The following PARP8 variants were observed in gnomAD, a reference collection of about 807,000 sequenced individuals.
The protein encoded by PARP8 is poly(ADP-ribose) polymerase family member 8.
A neutral mutation model predicts 124.1 loss-of-function variants in PARP8; 51 were observed. That is an observed-to-expected ratio of 0.41 (90% confidence interval 0.33 to 0.52). The LOEUF (loss-of-function observed/expected upper bound fraction) is 0.52. Ranked by LOEUF, PARP8 falls within the 20% of genes least tolerant of loss-of-function variation. The pLI, the probability that PARP8 is intolerant of heterozygous loss-of-function variation, is 0.21. For missense variants in PARP8, 860 were observed against 1,018.9 expected (o/e 0.84, Z 2.12); for synonymous variants, 391 against 361.5 (o/e 1.08, Z -0.93).
chr5:50,685,612 A>C lies in PARP8; in HGVS notation c.146+17487A>C, dbSNP rs529008533. Among the ~76,000 whole-genome samples, 3 of 152,276 alleles carry C rather than the reference A, an allele frequency of 2.0e-5. 1 individual carries two copies. In the South Asian group the frequency reaches 6.2e-4, roughly 32 times the overall value. ...CAGGAACATTTTTCATTTTATTTTT[A>C]TAGAGATAGGGTCTCTTTCTGTAGC... is the stretch of plus-strand genomic sequence containing the variant. On this transcript the variant is annotated intron_variant, in intron 2 of 25. Coordinates refer to ENST00000281631, the MANE Select transcript of PARP8 (RefSeq NM_024615.4).
At chr5:50,704,678 A>G (rs191064205) in intron 2 of PARP8, among the ~76,000 whole-genome samples, 50 of 152,278 alleles carry the variant, frequency 3.3e-4, no homozygotes, top group Admixed American at 2.4e-3. Context: ...ACATTGTCAT[A>G]TTGATTGTAT....
chr5:50,755,765 C>T (rs932997596), intron 3 of PARP8, among the ~76,000 whole-genome samples: 1 of 152,066 alleles, frequency 6.6e-6, no homozygotes, highest in African/African-American at 2.4e-5. Flanking sequence ...TATAAATTAC[C>T]TTGGGCAATA....
intron 25 of PARP8, among the ~76,000 whole-genome samples, chr5:50,841,066 G>T (rs1218721360): frequency 6.6e-6 from 1 of 151,722 alleles, no homozygotes; most frequent in Non-Finnish European, 1.5e-5. Context: ...CCTTTATTTT[G>T]CTATTTCAGG....
rs745980904 is a variant in PARP8 at position 50,843,564 on chromosome 5, A to G, written c.*1496A>G. ...GATATGCCACTTATTTCTGCAAGAA[A>G]AATAGGCTTGAAGTGGTTGGGATAT... is the stretch of plus-strand genomic sequence containing the variant. On this transcript the variant is annotated 3_prime_UTR_variant, in exon 26 of 26. Coordinates refer to ENST00000281631, the MANE Select transcript of PARP8 (RefSeq NM_024615.4). 3.3e-5 allele frequency: 5 copies of G among 151,834 alleles called. No individual in the cohort carries two copies. The highest frequency in any genetic ancestry group is 2.0e-4 in the Admixed American group (3 of 15,194). 9.4% of individuals were successfully genotyped at this position (151,834 alleles called of 1,614,324 possible). A position where few individuals can be genotyped will look rare whatever the true frequency, so the allele number is the denominator to read the frequency against.
intron 2 of PARP8, chr5:50,744,908 CATA>C: frequency 1.6e-6 from 1 of 625,938 alleles, no homozygotes; most frequent in South Asian, 1.9e-5. Flanking sequence ...ATGTACAGCA[CATA>C]CTAACAGTAC....
intron 22 of PARP8, among the ~76,000 whole-genome samples, chr5:50,830,844 GTGTGA>G (rs2149716374): frequency 6.6e-6 from 1 of 151,884 alleles, no homozygotes; most frequent in East Asian, 1.9e-4. Flanking sequence ...GTGTGTGTGT[GTGTGA>G]TTATGTGATC....
rs144374719 is a variant in PARP8 at position 50,698,360 on chromosome 5, A to G, written c.146+30235A>G. On this transcript the variant is annotated intron_variant, in intron 2 of 25. Coordinates refer to ENST00000281631, the MANE Select transcript of PARP8 (RefSeq NM_024615.4). ...ATCTAAAGCATTCCTTATTGTTTTC[A>G]GGGCTACCTGAGAATCCTAGAACAT... 3.9e-3 allele frequency among the ~76,000 whole-genome samples: 593 copies of G among 152,334 alleles called. 5 individuals are homozygous for G. Among genetic ancestry groups the G allele is most frequent in the Admixed American group, 0.012 (184 of 15,298 alleles).
chr5:50,788,596 T>C lies in PARP8; in HGVS notation c.737+7T>C. 1 of 1,608,696 alleles carries C rather than the reference T, an allele frequency of 6.2e-7. No individual in the cohort carries two copies. The highest frequency in any genetic ancestry group is 8.5e-7 in the Non-Finnish European group (1 of 1,175,934). On this transcript the variant is annotated splice_region_variant and intron_variant, in intron 10 of 25. Coordinates refer to ENST00000281631, the MANE Select transcript of PARP8 (RefSeq NM_024615.4). ...TGGGACATCAGCTGAAAAAGTAAGT[T>C]TGCTAAAGTGCAAAAAATAAATTTC...
chr5:50,681,188 C>T (rs1176099603), intron 2 of PARP8, among the ~76,000 whole-genome samples: 3 of 152,006 alleles, frequency 2.0e-5, no homozygotes, highest in Non-Finnish European at 4.4e-5. Context: ...TTTTAAATGA[C>T]AAGAACTTAA....
intron 2 of PARP8, among the ~76,000 whole-genome samples, chr5:50,713,913 A>G (rs866392383): frequency 6.6e-6 from 1 of 152,100 alleles, no homozygotes; most frequent in Middle Eastern, 3.4e-3. Flanking sequence ...CCTGGAAATG[A>G]AAGGAAATGG....
At position 50,778,126 on chromosome 5, in the gene PARP8, T is replaced by C; in HGVS notation, c.576T>C (p.Leu192=). 6.3e-7 allele frequency: 1 copy of C among 1,599,688 alleles called. No homozygotes were observed. Among genetic ancestry groups the C allele is most frequent in the Non-Finnish European group, 8.5e-7 (1 of 1,170,836 alleles). ...ATCTGCATATCGATGTTAGCTTTCT[T>C]GATGTAAGTATCAATTTTATGTAAT... ...DIDLHIDVSF[L]DEEIAVAWEV... The change falls in exon 8 of 26, where the codon CTT becomes CTC. Residue 192 remains leucine (L), a synonymous_variant. Transcript: ENST00000281631.
chr5:50,766,970 A>G (rs1421331240), intron 7 of PARP8, among the ~76,000 whole-genome samples: 1 of 152,192 alleles, frequency 6.6e-6, no homozygotes, highest in African/African-American at 2.4e-5. Context: ...GACTGCTTAC[A>G]TATCTTCTGG....
In PARP8 at chr5:50,771,193, C is replaced by G. The variant is rs558223745; in HGVS notation, c.519-6876C>G. On this transcript the variant is annotated intron_variant, in intron 7 of 25. Coordinates refer to ENST00000281631, the MANE Select transcript of PARP8 (RefSeq NM_024615.4). ...TTATTTTTTGAGATAGAGTTTTGCT[C>G]TTGTTGCCCAAGCTGGAGTGCAATG... Among the ~76,000 whole-genome samples, 3 of 151,524 alleles carry G rather than the reference C, an allele frequency of 2.0e-5. No individual in the cohort carries two copies. The East Asian group carries it at 5.8e-4, about 29-fold the overall frequency.
chr5:50,825,267 G>C (rs6862258), intron 18 of PARP8, among the ~76,000 whole-genome samples: 65 of 152,270 alleles, frequency 4.3e-4, no homozygotes, highest in African/African-American at 1.4e-3. Flanking sequence ...TGATTAACTA[G>C]CTTATGTGGC....
At chr5:50,743,919 A>T (rs1758292505) in intron 2 of PARP8, among the ~76,000 whole-genome samples, 1 of 152,104 alleles carries the variant, frequency 6.6e-6, no homozygotes, top group African/African-American at 2.4e-5. Context: ...ACTGGGAGGG[A>T]TAAAAGATAC....
At chr5:50,795,684 A>G (rs1179470294) in intron 12 of PARP8, among the ~76,000 whole-genome samples, 1 of 152,222 alleles carries the variant, frequency 6.6e-6, no homozygotes, top group Non-Finnish European at 1.5e-5. Context: ...TACTAAAATC[A>G]GAAGGAAACG....
intron 2 of PARP8, chr5:50,669,449 A>G (rs527717224): frequency 6.6e-6 from 1 of 152,320 alleles, no homozygotes; most frequent in South Asian, 2.1e-4. Context: ...ACTTTTCACT[A>G]TTGCTGTTTT....
chr5:50,821,096 G>A (rs554350782), intron 15 of PARP8, 117 bp from the exon 16 acceptor site: 2 of 1,182,646 alleles, frequency 1.7e-6, no homozygotes, highest in South Asian at 2.8e-5. Flanking sequence ...ACATTTGAGA[G>A]ATTGGTAGCA....
intron 2 of PARP8, among the ~76,000 whole-genome samples, chr5:50,710,898 A>G (rs552717487): frequency 6.6e-6 from 1 of 152,228 alleles, no homozygotes; most frequent in African/African-American, 2.4e-5. Context: ...ATCTGTTTCT[A>G]TCTGTAGCTT....
Sources: allele counts gnomAD v4.1 joint callset (sites outside exome capture counted in the v4.1 genomes callset), GRCh38; gene constraint gnomAD v4.1.1; transcripts MANE v1.5; gene names NCBI Gene and HGNC (gene_info 2026-07-23, HGNC 2026-07-21).